DOCK11: variants seen among roughly 807,000 people sequenced by gnomAD.
DOCK11 encodes dedicator of cytokinesis 11.
Under a neutral mutation model 169.1 loss-of-function variants are expected in DOCK11, and 70 were observed. The ratio of observed to expected loss-of-function variants is 0.41; its 90% CI spans 0.34 to 0.51. DOCK11 has a LOEUF of 0.51. Ranked by LOEUF, DOCK11 falls within the 20% of genes least tolerant of loss-of-function variation. The pLI, the probability that DOCK11 is intolerant of heterozygous loss-of-function variation, is 0.10. For missense variants in DOCK11, 1,166 were observed against 1,538.8 expected, an observed-to-expected ratio of 0.76 and a Z score of 4.05; for synonymous variants, 529 against 541.3, an observed-to-expected ratio of 0.98 and a Z score of 0.32.
chrX:118,668,571 A>G (rs1304949908), intron 45 of DOCK11, among the ~76,000 whole-genome samples: 2 of 111,617 alleles, frequency 1.8e-5, no homozygotes, highest in East Asian at 5.6e-4. Flanking sequence ...TTTATTTCAC[A>G]TATACTATCC....
In DOCK11 at chrX:118,536,832, T is replaced by C. The variant is rs142987217; in HGVS notation, c.103-5893T>C. On this transcript the variant is annotated intron_variant, in intron 1 of 52. Transcript: ENST00000276202. The stretch of plus-strand genomic sequence containing the variant: ...GAACTCAATAAATGCATCTTTATGC[T>C]GAACTCACTTTGTTTTCTGTGCTGC... Among the ~76,000 whole-genome samples the C allele has an allele frequency of 6.1e-3, 681 of 111,734 alleles. 4 individuals are homozygous for C. Among genetic ancestry groups the C allele is most frequent in the African/African-American group, 0.02 (616 of 30,729 alleles).
intron 45 of DOCK11, among the ~76,000 whole-genome samples, chrX:118,665,457 T>G (rs2016318283): frequency 8.9e-6 from 1 of 112,263 alleles, no homozygotes; most frequent in Admixed American, 9.4e-5. Context: ...ACAACTGAAC[T>G]TATATCCTTG....
At chrX:118,509,564 T>C (rs2057636719) in intron 1 of DOCK11, among the ~76,000 whole-genome samples, 1 of 112,042 alleles carries the variant, frequency 8.9e-6, no homozygotes, top group African/African-American at 3.2e-5. Flanking sequence ...GCACCTGGCC[T>C]GGAGGGGTGA....
Position 118,654,719 on chromosome X carries a change from T to C in DOCK11, c.4813T>C (p.Tyr1605His). ...KDPEMLIDLQ[Y>H]SLAKSYASTP... Reference sequence around the variant, plus strand: ...CCCTGAAATGCTAATTGATCTCCAGTATAGCTTAGCCAAGTCCTATGCAAG... The same window carrying C: ...CCCTGAAATGCTAATTGATCTCCAGCATAGCTTAGCCAAGTCCTATGCAAG... The change falls in exon 43 of 53, where the codon TAT (tyrosine) becomes CAT (histidine). Residue 1605 changes from tyrosine (Y) to histidine (H), a missense_variant. Transcript: ENST00000276202. The C allele has an allele frequency of 8.3e-7, 1 of 1,211,873 alleles. No individual in the cohort carries two copies. Among genetic ancestry groups the C allele is most frequent in the Non-Finnish European group, 1.1e-6 (1 of 895,464 alleles).
chrX:118,679,905 T>C (rs2016698297), intron 48 of DOCK11, among the ~76,000 whole-genome samples: 1 of 103,909 alleles, frequency 9.6e-6, no homozygotes, highest in African/African-American at 3.5e-5. Context: ...TGCTGGGTAG[T>C]AGGATTACAG....
At chrX:118,496,136 G>A in intron 1 of DOCK11, 63 bp downstream of exon 1, 1 of 800,928 alleles carries the variant, frequency 1.2e-6, no homozygotes, top group East Asian at 4.9e-5. Context: ...ACGCGGGAAG[G>A]GGCAGGAACG....
At chrX:118,544,788 G>A (rs1367920334) in intron 4 of DOCK11, among the ~76,000 whole-genome samples, 5 of 101,904 alleles carry the variant, frequency 4.9e-5, no homozygotes, top group Non-Finnish European at 9.8e-5. Flanking sequence ...AGCCTCCTGA[G>A]TAGCTGGGCT....
Position 118,597,427 on chromosome X carries a change from G to A in DOCK11, c.2264-4G>A, listed in dbSNP as rs1190089446. The A allele has an allele frequency of 4.2e-5, 51 of 1,208,737 alleles. No individual in the cohort carries two copies. Among genetic ancestry groups the A allele is most frequent in the Non-Finnish European group, 5.7e-5 (51 of 894,830 alleles). ...TTTCTCACAGTTTGTTATTATCTTG[G>A]CAGTTGGGTTTGCCTGGGTACCTTT... On this transcript the variant is annotated splice_region_variant and splice_polypyrimidine_tract_variant and intron_variant, in intron 20 of 52. Transcript: ENST00000276202.
intron 1 of DOCK11, among the ~76,000 whole-genome samples, chrX:118,524,166 G>T (rs1399526870): frequency 9.0e-6 from 1 of 111,496 alleles, no homozygotes; most frequent in African/African-American, 3.3e-5. Context: ...GTACACAAGT[G>T]CCCCACCGCA....
chrX:118,529,866 A>T (rs2011468802), intron 1 of DOCK11, among the ~76,000 whole-genome samples: 1 of 111,303 alleles, frequency 9.0e-6, no homozygotes, highest in Admixed American at 9.5e-5. Context: ...AACATGACCC[A>T]TTAGGAGGTC....
At chrX:118,678,851 G>A (rs2016673671) in intron 48 of DOCK11, among the ~76,000 whole-genome samples, 1 of 110,261 alleles carries the variant, frequency 9.1e-6, no homozygotes, top group South Asian at 3.8e-4. Context: ...GCTCACGGCA[G>A]CCTTGACCTC....
intron 1 of DOCK11, among the ~76,000 whole-genome samples, chrX:118,522,799 T>G (rs758121050): frequency 1.5e-4 from 17 of 112,034 alleles, no homozygotes; most frequent in Non-Finnish European, 3.2e-4. Context: ...TCACAGTCAG[T>G]TGATTCCTGA....
chrX:118,561,135 C>A (rs2012894486), intron 6 of DOCK11, among the ~76,000 whole-genome samples: 1 of 111,934 alleles, frequency 8.9e-6, no homozygotes, highest in Non-Finnish European at 1.9e-5. Flanking sequence ...ATGCTTTATA[C>A]ATTTCAAAGT....
At chrX:118,678,491 T>TG (rs2016662854) in intron 48 of DOCK11, among the ~76,000 whole-genome samples, 1 of 109,649 alleles carries the variant, frequency 9.1e-6, no homozygotes, top group Admixed American at 9.7e-5. Context: ...TATTTTTTTT[T>TG]AGACAGAGTC....
intron 23 of DOCK11, among the ~76,000 whole-genome samples, chrX:118,602,156 C>T (rs1462516551): frequency 2.9e-5 from 3 of 101,956 alleles, no homozygotes; most frequent in Admixed American, 1.1e-4. Context: ...AGGTGACTTG[C>T]CTGTAGACAT....
chrX:118,649,037 C>G lies in DOCK11; in HGVS notation c.4491C>G (p.Thr1497=), dbSNP rs765877567. 8.3e-7 allele frequency: 1 copy of G among 1,208,521 alleles called. No individual in the cohort carries two copies. Among genetic ancestry groups the G allele is most frequent in the East Asian group, 3.0e-5 (1 of 33,722 alleles). The part of the protein sequence containing the change: ...LKCCTSKISS[T]RNEASALLYL... The stretch of plus-strand genomic sequence containing the variant: ...GCTGCACATCGAAGATTAGCTCAAC[C>G]AGGAATGAAGCATCTGCACTTTTGT... The change falls in exon 41 of 53, where the codon ACC becomes ACG. Residue 1497 remains threonine (T), a synonymous_variant. Coordinates refer to ENST00000276202, the MANE Select transcript of DOCK11 (RefSeq NM_144658.4).
intron 45 of DOCK11, among the ~76,000 whole-genome samples, chrX:118,669,207 C>G (rs767608143): frequency 1.1e-3 from 121 of 111,048 alleles, no homozygotes; most frequent in African/African-American, 3.4e-3. Context: ...AAATTTTGCA[C>G]CTTAGCAATG....
At chrX:118,516,466 C>T (rs1286879847) in intron 1 of DOCK11, among the ~76,000 whole-genome samples, 1 of 98,968 alleles carries the variant, frequency 1.0e-5, no homozygotes, top group East Asian at 3.5e-4. Context: ...CCGCCTCTCT[C>T]ACACTCGCTC....
intron 20 of DOCK11, 103 bp downstream of exon 20, chrX:118,593,440 C>A: frequency 1.3e-6 from 1 of 777,768 alleles, no homozygotes; most frequent in Non-Finnish European, 1.8e-6. Flanking sequence ...TCCCCTTGAC[C>A]AAAAACCACT....
Sources: allele counts gnomAD v4.1 joint callset (sites outside exome capture counted in the v4.1 genomes callset), GRCh38; gene constraint gnomAD v4.1.1; transcripts MANE v1.5; gene names NCBI Gene and HGNC (gene_info 2026-07-23, HGNC 2026-07-21).